Variants in RAB38 observed in about 807,000 individuals in gnomAD.
The protein encoded by RAB38 is RAB38, member RAS oncogene family, also known as ras-related protein Rab-38.
RAB38 carries 15 observed loss-of-function variants against 18.4 expected under a neutral mutation model. That is an observed-to-expected ratio of 0.82 (90% CI 0.55 to 1.26). The LOEUF (loss-of-function observed/expected upper bound fraction) is 1.26. RAB38 is among the 50% of genes most tolerant of loss of function. The pLI is 0.00. For synonymous variants in RAB38, 101 were observed against 104.4 expected, an observed-to-expected ratio of 0.97 and a Z score of 0.20; for missense variants, 294 against 267.4, an observed-to-expected ratio of 1.10 and a Z score of -0.69.
At chr11:87,895,490 G>A in the RAB38 span, among the ~76,000 whole-genome samples, 1 of 151,510 alleles carries the variant, frequency 6.6e-6, no homozygotes, top group Non-Finnish European at 1.5e-5. Context: ...TTTCAAGCAT[G>A]GGATGGGCAA....
At chr11:87,946,937 C>T in the RAB38 span, among the ~76,000 whole-genome samples, 1 of 133,190 alleles carries the variant, frequency 7.5e-6, no homozygotes, top group East Asian at 2.3e-4. Flanking sequence ...AATGGTATTT[C>T]TAGTTCTAGA....
At chr11:88,041,959 C>T in the RAB38 span, among the ~76,000 whole-genome samples, 3 of 152,034 alleles carry the variant, frequency 2.0e-5, no homozygotes, top group Non-Finnish European at 4.4e-5. Context: ...TTTATTCCTG[C>T]CTTATTAAAA....
At chr11:87,902,915 T>G in the RAB38 span, among the ~76,000 whole-genome samples, 1 of 151,034 alleles carries the variant, frequency 6.6e-6, no homozygotes, top group Non-Finnish European at 1.5e-5. Context: ...AATGCTTGTA[T>G]CTTTTAGTCT....
intron 2 of RAB38, among the ~76,000 whole-genome samples, chr11:88,127,619 C>T (rs1434521130): frequency 2.0e-5 from 3 of 152,132 alleles, no homozygotes; most frequent in African/African-American, 7.2e-5. Flanking sequence ...TTATCTTTCT[C>T]TAATTTTCCT....
the RAB38 span, among the ~76,000 whole-genome samples, chr11:87,826,188 A>G: frequency 2.0e-5 from 3 of 152,158 alleles, no homozygotes; most frequent in South Asian, 6.2e-4. Flanking sequence ...GATATCCCCT[A>G]GGGATGAGGA....
the RAB38 span, among the ~76,000 whole-genome samples, chr11:88,082,560 T>C: frequency 6.6e-6 from 1 of 151,866 alleles, no homozygotes; most frequent in African/African-American, 2.4e-5. Context: ...ATCTATCCCA[T>C]CTCAAGAAAG....
At chr11:87,920,928 TA>T in the RAB38 span, among the ~76,000 whole-genome samples, 340 of 152,190 alleles carry the variant, frequency 2.2e-3, 1 homozygote, top group African/African-American at 7.8e-3. Flanking sequence ...ACATATTGGG[TA>T]ATCTATAATT....
chr11:88,003,848 A>AG, the RAB38 span, among the ~76,000 whole-genome samples: 151 of 4,960 alleles, frequency 0.03, 8 homozygotes, highest in Non-Finnish European at 0.047. Context: ...ATATTTATAT[A>AG]TATAATTATA....
At chr11:88,147,334 T>C (rs1228977727) in intron 2 of RAB38, among the ~76,000 whole-genome samples, 5 of 152,094 alleles carry the variant, frequency 3.3e-5, no homozygotes, top group Non-Finnish European at 5.9e-5. Context: ...AAGACTCCTC[T>C]CCCCATGTAA....
the RAB38 span, among the ~76,000 whole-genome samples, chr11:87,871,191 C>T: frequency 6.6e-6 from 1 of 151,610 alleles, no homozygotes; most frequent in Admixed American, 6.6e-5. Flanking sequence ...CAAAGCATGT[C>T]ATTGTATATT....
At chr11:87,856,690 C>T in the RAB38 span, among the ~76,000 whole-genome samples, 1 of 151,980 alleles carries the variant, frequency 6.6e-6, no homozygotes, top group Non-Finnish European at 1.5e-5. Flanking sequence ...ACCACTGCTT[C>T]TTCTTCTTCT....
the RAB38 span, among the ~76,000 whole-genome samples, chr11:87,842,213 GAGA>G: frequency 1.3e-5 from 2 of 152,282 alleles, no homozygotes; most frequent in South Asian, 4.1e-4. Context: ...AATGTGAAGG[GAGA>G]AGATGACATG....
the RAB38 span, among the ~76,000 whole-genome samples, chr11:87,870,045 T>C: frequency 6.6e-6 from 1 of 151,708 alleles, no homozygotes; most frequent in African/African-American, 2.4e-5. Context: ...TTGTTCATCT[T>C]AATATTACCT....
At chr11:87,821,275 T>C in the RAB38 span, among the ~76,000 whole-genome samples, 1 of 152,216 alleles carries the variant, frequency 6.6e-6, no homozygotes, top group East Asian at 1.9e-4. Flanking sequence ...AGAGTTGATT[T>C]TGCAGAAGCA....
the RAB38 span, among the ~76,000 whole-genome samples, chr11:87,910,751 C>T: frequency 6.7e-6 from 1 of 148,184 alleles, no homozygotes; most frequent in African/African-American, 2.5e-5. Context: ...AGTGATTCTC[C>T]TGCCTCAGTC....
At chr11:87,860,783 A>G in the RAB38 span, among the ~76,000 whole-genome samples, 2 of 151,906 alleles carry the variant, frequency 1.3e-5, no homozygotes, top group African/African-American at 4.8e-5. Flanking sequence ...TGTGAAAGCT[A>G]ATTTTTTTTT....
chr11:88,027,110 G>C, the RAB38 span, among the ~76,000 whole-genome samples: 2 of 152,072 alleles, frequency 1.3e-5, no homozygotes, highest in Non-Finnish European at 2.9e-5. Context: ...AGATTTTATA[G>C]ATATTCTTTA....
chr11:88,108,135 T>G, the RAB38 span, among the ~76,000 whole-genome samples: 4 of 152,176 alleles, frequency 2.6e-5, no homozygotes, highest in African/African-American at 9.7e-5. Flanking sequence ...GTCTATTAGG[T>G]TCACTTGGTC....
chr11:88,152,400 G>T (rs1943072829), intron 1 of RAB38, among the ~76,000 whole-genome samples: 1 of 152,088 alleles, frequency 6.6e-6, no homozygotes, highest in African/African-American at 2.4e-5. Context: ...ACTTCATAGA[G>T]AATCAAAAAG....
Sources: allele counts gnomAD v4.1 joint callset (sites outside exome capture counted in the v4.1 genomes callset), GRCh38; gene constraint gnomAD v4.1.1; transcripts MANE v1.5; gene names NCBI Gene and HGNC (gene_info 2026-07-23, HGNC 2026-07-21).